Variants in DPP10 observed in about 807,000 individuals in gnomAD.
The protein encoded by DPP10 is inactive dipeptidyl peptidase 10.
DPP10 carries 33 observed loss-of-function variants against 120.9 expected under a neutral mutation model. The ratio of observed to expected loss-of-function variants is 0.27; its 90% CI spans 0.21 to 0.37. DPP10 has a LOEUF of 0.37. DPP10 is among the 10% of genes least tolerant of loss of function. DPP10 has a pLI of 1.00. For missense variants in DPP10, 816 were observed against 942.8 expected (o/e 0.87, Z 1.76); for synonymous variants, 337 against 326.1 (o/e 1.03, Z -0.36).
chr2:115,562,342 T>A (rs1481722653), intron 5 of DPP10, among the ~76,000 whole-genome samples: 1 of 152,170 alleles, frequency 6.6e-6, no homozygotes, highest in Non-Finnish European at 1.5e-5. Context: ...AGGCTTTCAA[T>A]CCCTTGTCTT....
chr2:114,765,687 A>C (rs1680649101), intron 1 of DPP10, among the ~76,000 whole-genome samples: 1 of 152,228 alleles, frequency 6.6e-6, no homozygotes, highest in African/African-American at 2.4e-5. Flanking sequence ...ACTTAAAATA[A>C]TAATATAATA....
chr2:115,288,655 G>A (rs1336715571), intron 1 of DPP10, among the ~76,000 whole-genome samples: 1 of 151,984 alleles, frequency 6.6e-6, no homozygotes, highest in African/African-American at 2.4e-5. Flanking sequence ...CCCAGGAAAC[G>A]AGGTTGCAGT....
chr2:115,175,651 A>C (rs2053637760), intron 1 of DPP10, among the ~76,000 whole-genome samples: 1 of 152,262 alleles, frequency 6.6e-6, no homozygotes, highest in South Asian at 2.1e-4. Flanking sequence ...ACTTTCTCAC[A>C]GAAAAGACCA....
At chr2:115,403,381 C>CTTTTTTTTTTTTTTTT (rs78116780) in intron 3 of DPP10, among the ~76,000 whole-genome samples, 4 of 118,386 alleles carry the variant, frequency 3.4e-5, no homozygotes, top group African/African-American at 1.1e-4. Flanking sequence ...TTCTTTCCTT[C>CTTTTTTTTTTTTTTTT]TTTTTTTTTT....
intron 3 of DPP10, among the ~76,000 whole-genome samples, chr2:115,483,732 T>C (rs1306913762): frequency 6.6e-6 from 1 of 152,110 alleles, no homozygotes; most frequent in East Asian, 1.9e-4. Flanking sequence ...AGTTCAGCCT[T>C]ACTGGCAGAC....
chr2:115,343,616 C>T lies in DPP10; in HGVS notation c.176-201C>T, dbSNP rs1380779000. Among the ~76,000 whole-genome samples, 3 of 151,896 alleles carry T rather than the reference C, an allele frequency of 2.0e-5. No homozygotes were observed. The South Asian group carries it at 6.2e-4, about 32-fold the overall frequency. ...CTATTAAATTTGTACCAGATCAAGA[C>T]AATTTTAATAGTAAAAATAGTTTCA... On this transcript the variant is annotated intron_variant, in intron 2 of 25. Transcript: ENST00000410059.
chr2:115,078,665 A>G lies in DPP10; in HGVS notation c.61-230574A>G, dbSNP rs1472551262. 2.0e-5 allele frequency among the ~76,000 whole-genome samples: 3 copies of G among 152,222 alleles called. No individual in the cohort carries two copies. The East Asian group carries it at 5.8e-4, about 29-fold the overall frequency. On this transcript the variant is annotated intron_variant, in intron 1 of 25. Coordinates refer to ENST00000410059, the MANE Select transcript of DPP10 (RefSeq NM_020868.6). ...AATTAAAGTTGAAATAATAAACTGA[A>G]GAAATTGCTAACCTAATCAATTCTG...
chr2:114,579,535 C>G (rs1047108449), intron 1 of DPP10, among the ~76,000 whole-genome samples: 1 of 152,146 alleles, frequency 6.6e-6, no homozygotes, highest in South Asian at 2.1e-4. Context: ...CTAAGAGAAC[C>G]TTTTACCCCC....
chr2:115,625,819 G>A (rs892321003), intron 5 of DPP10, among the ~76,000 whole-genome samples: 1 of 151,908 alleles, frequency 6.6e-6, no homozygotes, highest in African/African-American at 2.4e-5. Context: ...ATAGTATTTG[G>A]CCATAAAAAA....
rs375858356 is a variant in DPP10 at position 114,813,941 on chromosome 2, AACACACACACAC to A, written c.60+371138_60+371149del. 7.6e-3 allele frequency among the ~76,000 whole-genome samples: 1,065 copies of A among 139,476 alleles called. 18 individuals carry two copies. Among genetic ancestry groups the A allele is most frequent in the African/African-American group, 0.027 (1,013 of 38,108 alleles). 91.5% of individuals were successfully genotyped at this position (139,476 alleles called of 152,430 possible). A position where few individuals can be genotyped will look rare whatever the true frequency, so the allele number is the denominator to read the frequency against. ...CCTGTGGCTTACAGTGGCACGCATG[AACACACACACAC>A]ACACACACACACACACACACACACA... On this transcript the variant is annotated intron_variant, in intron 1 of 25. Coordinates refer to ENST00000410059, the MANE Select transcript of DPP10 (RefSeq NM_020868.6).
intron 1 of DPP10, among the ~76,000 whole-genome samples, chr2:114,735,379 G>A (rs551290139): frequency 3.8e-4 from 58 of 152,088 alleles, no homozygotes; most frequent in African/African-American, 1.2e-3. Context: ...CTTCTGTTGG[G>A]GTAGCCCTAT....
intron 1 of DPP10, among the ~76,000 whole-genome samples, chr2:114,477,106 C>T (rs757610405): frequency 5.3e-5 from 8 of 152,034 alleles, no homozygotes; most frequent in East Asian, 1.9e-4. Context: ...ATTATAGGTG[C>T]GCACCACCAC....
At chr2:114,502,771 C>T (rs1683310498) in intron 1 of DPP10, among the ~76,000 whole-genome samples, 3 of 152,186 alleles carry the variant, frequency 2.0e-5, no homozygotes, top group Admixed American at 6.5e-5. Context: ...AGAATTCAGA[C>T]ATCCTTGGGA....
At chr2:115,766,981 T>G (rs1680839848) in intron 12 of DPP10, among the ~76,000 whole-genome samples, 1 of 152,142 alleles carries the variant, frequency 6.6e-6, no homozygotes, top group Non-Finnish European at 1.5e-5. Context: ...GACATGAGAT[T>G]TGGGTGGTAC....
intron 5 of DPP10, among the ~76,000 whole-genome samples, chr2:115,536,513 G>T (rs1029037242): frequency 1.3e-5 from 2 of 151,894 alleles, no homozygotes; most frequent in Non-Finnish European, 2.9e-5. Flanking sequence ...AAATTAATGA[G>T]ACTGAAATTA....
At chr2:114,585,612 C>G (rs933492949) in intron 1 of DPP10, among the ~76,000 whole-genome samples, 1 of 152,164 alleles carries the variant, frequency 6.6e-6, no homozygotes, top group African/African-American at 2.4e-5. Context: ...TCAAACTCAA[C>G]TGGGCAGCAA....
At chr2:115,116,132 T>C (rs1368859852) in intron 1 of DPP10, among the ~76,000 whole-genome samples, 1 of 150,052 alleles carries the variant, frequency 6.7e-6, no homozygotes, top group African/African-American at 2.5e-5. Flanking sequence ...GACACAATGA[T>C]TAAGTTCAAA....
chr2:115,789,113 G>A (rs34325506), intron 17 of DPP10, among the ~76,000 whole-genome samples: 24,922 of 151,250 alleles, frequency 0.16, 2,320 homozygotes, highest in Non-Finnish European at 0.21. Flanking sequence ...ATGAGACTCC[G>A]TCTCAAAAAA....
At chr2:115,804,863 G>C (rs1472962905) in intron 19 of DPP10, among the ~76,000 whole-genome samples, 1 of 152,214 alleles carries the variant, frequency 6.6e-6, no homozygotes, top group African/African-American at 2.4e-5. Context: ...CTCCCAGTTA[G>C]GCTACTCGGG....
Sources: allele counts gnomAD v4.1 joint callset (sites outside exome capture counted in the v4.1 genomes callset), GRCh38; gene constraint gnomAD v4.1.1; transcripts MANE v1.5; gene names NCBI Gene and HGNC (gene_info 2026-07-23, HGNC 2026-07-21).